CNTN2: variants seen among roughly 807,000 people sequenced by gnomAD.
CNTN2 encodes the protein contactin-2.
In CNTN2, 53 loss-of-function variants were observed where a neutral mutation model predicts 117.5. The observed-to-expected ratio is 0.45, with a 90% CI of 0.36 to 0.57. The LOEUF is 0.57. Among genes scored for constraint, CNTN2 ranks in the 20% least tolerant of loss-of-function variants. The probability of loss-of-function intolerance (pLI) is 0.00; values close to 1 mark genes in which losing one functional copy is unlikely to be tolerated. For synonymous variants in CNTN2, 530 were observed against 561.7 expected, an observed-to-expected ratio of 0.94 and a Z score of 0.80; for missense variants, 1,106 against 1,404.3, an observed-to-expected ratio of 0.79 and a Z score of 3.39.
chr1:205,066,341 T>A, intron 14 of CNTN2, 100 bp from the exon 15 acceptor site: 1 of 1,408,908 alleles, frequency 7.1e-7, no homozygotes, highest in Non-Finnish European at 9.7e-7. Flanking sequence ...TCTGCTGCCC[T>A]GTCTTGGTAC....
At chr1:205,067,372 C>A in intron 16 of CNTN2, 122 bp downstream of exon 16, 1 of 1,241,994 alleles carries the variant, frequency 8.1e-7, no homozygotes, top group Non-Finnish European at 1.1e-6. Flanking sequence ...GGTTCAGACT[C>A]TCACAAAACA....
intron 2 of CNTN2, 102 bp from the exon 3 acceptor site, chr1:205,057,819 A>G: frequency 7.2e-7 from 1 of 1,395,474 alleles, no homozygotes; most frequent in Non-Finnish European, 9.8e-7. Context: ...AAAATGGGAC[A>G]TTCCCATCAT....
At chr1:205,067,463 G>A in intron 16 of CNTN2, 1 of 481,226 alleles carries the variant, frequency 2.1e-6, no homozygotes, top group Non-Finnish European at 3.5e-6. Context: ...TTAAAAACTG[G>A]CCAACCTTAC....
chr1:205,043,913 T>C (rs530666370), intron 1 of CNTN2, among the ~76,000 whole-genome samples: 3 of 152,046 alleles, frequency 2.0e-5, no homozygotes, highest in Non-Finnish European at 4.4e-5. Context: ...AGAGGGGGGC[T>C]GTGGAAGAGA....
Position 205,059,715 on chromosome 1 carries a change from G to C in CNTN2, c.797+33G>C. ...TGAAGAGGGAGGGGAAGCAGAGCAC[G>C]GTCTCTCGGGGGCACAGGTGACCCC... On this transcript the variant is annotated intron_variant, in intron 7 of 22. Transcript: ENST00000331830. This position sits in a 1 kb window ranked among gnomAD's most constrained non-coding sequence, Gnocchi z 5.6. 2 of 1,585,550 alleles carry C rather than the reference G, an allele frequency of 1.3e-6. No homozygotes were observed. Among genetic ancestry groups the C allele is most frequent in the Non-Finnish European group, 1.7e-6 (2 of 1,154,404 alleles).
intron 16 of CNTN2, 100 bp from the exon 17 acceptor site, chr1:205,069,390 AG>A (rs765169677): frequency 9.5e-6 from 11 of 1,152,106 alleles, no homozygotes; most frequent in Non-Finnish European, 1.2e-5. Flanking sequence ...GCCCAGTTGA[AG>A]GGGTTCCCAT....
At chr1:205,044,580 A>G (rs1453407967) in intron 1 of CNTN2, among the ~76,000 whole-genome samples, 1 of 152,144 alleles carries the variant, frequency 6.6e-6, no homozygotes, top group Non-Finnish European at 1.5e-5. Flanking sequence ...GAGGAGGAAC[A>G]GCCCAAGAAA....
chr1:205,072,631 G>A, intron 21 of CNTN2, 36 bp downstream of exon 21: 1 of 1,474,306 alleles, frequency 6.8e-7, no homozygotes, highest in Middle Eastern at 1.7e-4. Context: ...GAATGGGAAG[G>A]AACAGCTCCT....
chr1:205,073,384 G>A lies in CNTN2; in HGVS notation c.3013+148G>A, dbSNP rs778253174. 175 of 994,130 alleles carry A rather than the reference G, an allele frequency of 1.8e-4. No individual in the cohort carries two copies. The highest frequency in any genetic ancestry group is 2.3e-4 in the Non-Finnish European group (155 of 686,316). The allele number at this position is 994,130 out of a possible 1,614,324, so 61.6% of individuals were successfully genotyped here. On this transcript the variant is annotated intron_variant, in intron 22 of 22. Transcript: ENST00000331830. This position sits in a 1 kb window ranked among gnomAD's most constrained non-coding sequence, Gnocchi z 6.3. The stretch of plus-strand genomic sequence containing the variant: ...AGGAACCAAGTGCAAAGTAGTCTTA[G>A]AACTGCCTCGCCGCCACCTTTCTAC...
In CNTN2 at chr1:205,070,061, G is replaced by A; in HGVS notation, c.2431G>A (p.Glu811Lys). The A allele has an allele frequency of 6.2e-7, 1 of 1,613,398 alleles. No individual in the cohort carries two copies. Among genetic ancestry groups the A allele is most frequent in the East Asian group, 2.2e-5 (1 of 44,870 alleles). ...TGCACTCGTGTACTCAGCTGAGGAA[G>A]GTGGGCTGCCCCTGGGCCCCCTGCT... ...LTALVYSAEE[E>K]PRVAPTKVWA... is the part of the protein sequence containing the mutation. Residue 811 changes from glutamate to lysine, a missense_variant and splice_region_variant, in exon 18 of 23, where the codon GAG becomes AAG. Transcript: ENST00000331830.
Position 205,073,550 on chromosome 1 carries a change from C to A in CNTN2, c.3014-106C>A. 9.8e-7 allele frequency: 1 copy of A among 1,018,738 alleles called. No homozygotes were observed. Among genetic ancestry groups the A allele is most frequent in the East Asian group, 2.6e-5 (1 of 38,484 alleles). 63.1% of individuals were successfully genotyped at this position (1,018,738 alleles called of 1,614,324 possible). ...GACCACCCAGCCGTCCGCTCCCAGG[C>A]CTGCAGCTGGCCCTGTGAGTCTCCT... On this transcript the variant is annotated intron_variant, in intron 22 of 22. Transcript: ENST00000331830. The surrounding 1 kb of genome is among the most constrained non-coding windows in gnomAD (Gnocchi z 6.3).
chr1:205,057,999 A>G lies in CNTN2; in HGVS notation c.149A>G (p.Glu50Gly), dbSNP rs1653740833. 1.9e-6 allele frequency: 3 copies of G among 1,614,178 alleles called. No homozygotes were observed. Among genetic ancestry groups the G allele is most frequent in the Non-Finnish European group, 2.5e-6 (3 of 1,180,036 alleles). Residue 50 changes from glutamate to glycine, a missense_variant, in exon 3 of 23, where the codon GAG becomes GGG. Coordinates refer to ENST00000331830, the MANE Select transcript of CNTN2 (RefSeq NM_005076.5). ...CAGCCCCTCAGTGTGCTATTCCCAG[A>G]GGAGTCCACGGAGGAGCAGGTGTTG... ...EDQPLSVLFPEESTEEQVLLA... is the reference protein window; with the variant it reads ...EDQPLSVLFPGESTEEQVLLA...
At chr1:205,064,173 G>T (rs1261242775) in intron 10 of CNTN2, 149 bp from the exon 11 acceptor site, 18 of 829,092 alleles carry the variant, frequency 2.2e-5, no homozygotes, top group Non-Finnish European at 2.7e-5. Flanking sequence ...TGATAGCTTA[G>T]GCCAGAGAAA....
At chr1:205,069,134 A>G (rs1654452354) in intron 16 of CNTN2, 1 of 198,256 alleles carries the variant, frequency 5.0e-6, no homozygotes. Flanking sequence ...TGATGGAGTA[A>G]GGAGGACAAT....
In CNTN2 at chr1:205,059,396, C is replaced by T. The variant is rs551462687; in HGVS notation, c.697+103C>T. On this transcript the variant is annotated intron_variant, in intron 6 of 22. Coordinates refer to ENST00000331830, the MANE Select transcript of CNTN2 (RefSeq NM_005076.5). This position sits in a 1 kb window ranked among gnomAD's most constrained non-coding sequence, Gnocchi z 5.6. ...GAGATTGGAAGATCAGCTTGCAGGG[C>T]ACTGATTCCAGGCCCTGGACCCCCA... 7.8e-6 allele frequency: 10 copies of T among 1,281,258 alleles called. No homozygotes were observed. The East Asian group carries it at 2.5e-4, about 31-fold the overall frequency. 79.4% of individuals were successfully genotyped at this position (1,281,258 alleles called of 1,614,324 possible).
Position 205,061,837 on chromosome 1 carries a change from C to G in CNTN2, c.974-28C>G, listed in dbSNP as rs775422190. 2 of 1,503,034 alleles carry G rather than the reference C, an allele frequency of 1.3e-6. No individual in the cohort carries two copies. The highest frequency in any genetic ancestry group is 1.8e-6 in the Non-Finnish European group (2 of 1,125,606). 93.1% of individuals were successfully genotyped at this position (1,503,034 alleles called of 1,614,324 possible). A position where few individuals can be genotyped will look rare whatever the true frequency, so the allele number is the denominator to read the frequency against. On this transcript the variant is annotated intron_variant, in intron 8 of 22. Coordinates refer to ENST00000331830, the MANE Select transcript of CNTN2 (RefSeq NM_005076.5). This position sits in a 1 kb window ranked among gnomAD's most constrained non-coding sequence, Gnocchi z 4.8. ...AGCTGGAAGCTCCTCCTAGCTCATG[C>G]CAGGTTTTCTTTTCCGGGCTCCCAC...
At position 205,074,669 on chromosome 1, in the gene CNTN2, C is replaced by T. The variant is rs1421045795; in HGVS notation, c.*904C>T. The T allele has an allele frequency of 1.3e-5, 5 of 399,084 alleles. No homozygotes were observed. The highest frequency in any genetic ancestry group is 1.0e-4 in the African/African-American group (5 of 48,634). The allele number at this position is 399,084 out of a possible 1,614,324, so 24.7% of individuals were successfully genotyped here. ...AGGGTTTGGGCAGGAGATGGCCAAT[C>T]ATGCGCCCACCTCTCCAGTGCTGCC... On this transcript the variant is annotated 3_prime_UTR_variant, in exon 23 of 23. Coordinates refer to ENST00000331830, the MANE Select transcript of CNTN2 (RefSeq NM_005076.5).
intron 1 of CNTN2, among the ~76,000 whole-genome samples, chr1:205,045,607 T>G (rs895200801): frequency 2.6e-5 from 4 of 152,192 alleles, no homozygotes; most frequent in African/African-American, 9.7e-5. Flanking sequence ...GAAAGCGTAT[T>G]TCAAAGACAA....
chr1:205,062,278 C>T, intron 9 of CNTN2, 162 bp from the exon 10 acceptor site: 2 of 1,038,210 alleles, frequency 1.9e-6, no homozygotes, highest in Non-Finnish European at 2.7e-6. Context: ...GGGTAATCTG[C>T]ATCCTGAGGT....
Sources: gnomAD v4.1 joint callset for allele counts (sites outside exome capture counted in the v4.1 genomes callset) on GRCh38, gnomAD v4.1.1 for gene constraint, Gnocchi (gnomAD v3.1) non-coding constraint, MANE v1.5 for transcripts, NCBI Gene and HGNC (gene_info 2026-07-23, HGNC 2026-07-21) for gene names.